PROM2: variants seen among roughly 807,000 people sequenced by gnomAD.
The protein encoded by PROM2 is prominin 2, also known as prominin-2.
A neutral mutation model predicts 110.2 loss-of-function variants in PROM2; 90 were observed. The observed-to-expected ratio is 0.82, with a 90% confidence interval of 0.69 to 0.97. The LOEUF is 0.97. Among genes scored for constraint, PROM2 ranks in the 50% least tolerant of loss-of-function variants. The probability of loss-of-function intolerance (pLI) is 0.00; values close to 1 mark genes in which losing one functional copy is unlikely to be tolerated. For synonymous variants in PROM2, 470 were observed against 467.8 expected (o/e 1.00, Z -0.06); for missense variants, 1,009 against 1,074.8 (o/e 0.94, Z 0.86).
At chr2:95,277,895 T>A in intron 7 of PROM2, 35 bp from the exon 8 acceptor site, 1 of 1,590,814 alleles carries the variant, frequency 6.3e-7, no homozygotes, top group Non-Finnish European at 8.6e-7. Context: ...GGCCTCTCCA[T>A]GAACTTTGTC....
chr2:95,288,892 G>A (rs779755426), intron 22 of PROM2, 41 bp from the exon 23 acceptor site: 3 of 1,588,012 alleles, frequency 1.9e-6, no homozygotes, highest in Non-Finnish European at 2.6e-6. Context: ...CTGAGGGTCT[G>A]GGGGGAAGGG....
chr2:95,278,662 C>T (rs551647851), intron 8 of PROM2, 59 bp from the exon 9 acceptor site: 3 of 1,603,514 alleles, frequency 1.9e-6, no homozygotes, highest in East Asian at 4.5e-5. Flanking sequence ...ACTTTGGGGT[C>T]TCCCAAGAGG....
intron 11 of PROM2, among the ~76,000 whole-genome samples, chr2:95,280,432 C>G (rs561061024): frequency 6.6e-6 from 1 of 152,344 alleles, no homozygotes; most frequent in South Asian, 2.1e-4. Context: ...GCCTCACAGC[C>G]TGACATGGGG....
chr2:95,277,464 G>T lies in PROM2; in HGVS notation c.873G>T (p.Arg291=). ...QDLEPAIREH[R]DRLLELLQEA... ...TGGAGCCAGCCATCCGGGAACACCG[G>T]GACCGCCTCCTTGAGCTGCTGCAGG... The change falls in exon 7 of 24, where the codon CGG becomes CGT. Residue 291 remains arginine, a synonymous_variant. Coordinates refer to ENST00000317620, the MANE Select transcript of PROM2 (RefSeq NM_001165978.3). The T allele has an allele frequency of 1.9e-6, 3 of 1,613,072 alleles. No individual in the cohort carries two copies. Among genetic ancestry groups the T allele is most frequent in the Non-Finnish European group, 2.5e-6 (3 of 1,179,880 alleles).
Position 95,282,003 on chromosome 2 carries a change from C to T in PROM2, c.1630C>T (p.His544Tyr), listed in dbSNP as rs1399581411. ...LLGLRKNISI[H>Y]QAYQQCKEGA... is the part of the protein sequence containing the mutation. ...TGGCCTGAGGAAGAACATCAGCATC[C>T]ACCAAGCCTATCAGTGAGTGGACAG... The change falls in exon 13 of 24, where the codon CAC (histidine) becomes TAC (tyrosine). Residue 544 changes from histidine to tyrosine, a missense_variant. His to Tyr is a moderately conservative substitution (Grantham distance 83, BLOSUM62 2). Coordinates refer to ENST00000317620, the MANE Select transcript of PROM2 (RefSeq NM_001165978.3). The T allele has an allele frequency of 1.2e-6, 2 of 1,614,080 alleles. No individual in the cohort carries two copies. The highest frequency in any genetic ancestry group is 2.2e-5 in the East Asian group (1 of 44,864).
chr2:95,287,400 G>A lies in PROM2; in HGVS notation c.2180G>A (p.Ser727Asn), dbSNP rs777528108. 6 of 1,614,018 alleles carry A rather than the reference G, an allele frequency of 3.7e-6. No homozygotes were observed. In the Admixed American group the frequency reaches 5.0e-5, roughly 13 times the overall value. The change falls in exon 20 of 24, where the codon AGT becomes AAT. Residue 727 changes from serine (S) to asparagine (N), a missense_variant. Transcript: ENST00000317620. ...AWAARILRNV[S>N]ECFLAREMGY... ...GACCTCCTTTCCTTCCTGCAGGTGA[G>A]TGAGTGTTTCCTGGCCCGGGAGATG...
chr2:95,283,481 C>T (rs147898703), intron 14 of PROM2, among the ~76,000 whole-genome samples: 116 of 152,352 alleles, frequency 7.6e-4, no homozygotes, highest in Admixed American at 1.4e-3. Context: ...GGGCACCAGC[C>T]ACCTTTCCAC....
intron 14 of PROM2, among the ~76,000 whole-genome samples, chr2:95,284,301 C>T (rs1242628667): frequency 6.6e-6 from 1 of 152,148 alleles, no homozygotes; most frequent in Non-Finnish European, 1.5e-5. Flanking sequence ...TCAAGAACAG[C>T]CTGGGCAACA....
chr2:95,280,747 C>T lies in PROM2; in HGVS notation c.1428-495C>T, dbSNP rs568922933. Among the ~76,000 whole-genome samples the T allele has an allele frequency of 1.8e-4, 27 of 152,284 alleles. No individual in the cohort carries two copies. In the East Asian group the frequency reaches 4.6e-3, roughly 26 times the overall value. The stretch of plus-strand genomic sequence containing the variant: ...ATAGCCTCACCCTCCCAGGCTCAAG[C>T]GATTCTCACACCTCAGCCTCCCAAA... On this transcript the variant is annotated intron_variant, in intron 11 of 23. Coordinates refer to ENST00000317620, the MANE Select transcript of PROM2 (RefSeq NM_001165978.3).
chr2:95,279,873 G>C lies in PROM2; in HGVS notation c.1303G>C (p.Val435Leu), dbSNP rs201963410. 4 of 1,531,956 alleles carry C rather than the reference G, an allele frequency of 2.6e-6. No homozygotes were observed. Among genetic ancestry groups the C allele is most frequent in the Non-Finnish European group, 3.5e-6 (4 of 1,136,414 alleles). 94.9% of individuals were successfully genotyped at this position (1,531,956 alleles called of 1,614,324 possible). A position where few individuals can be genotyped will look rare whatever the true frequency, so the allele number is the denominator to read the frequency against. Residue 435 changes from valine to leucine, a missense_variant, in exon 11 of 24, where the codon GTG becomes CTG. Coordinates refer to ENST00000317620, the MANE Select transcript of PROM2 (RefSeq NM_001165978.3). The stretch of plus-strand genomic sequence containing the variant: ...GATCGTGGGCTGCGTGCTGTGCTCC[G>C]TGGTCCTATTCGTGGTGCTCTGCAA... The part of the protein sequence containing the change: ...RWIVGCVLCS[V>L]VLFVVLCNLL...
Position 95,274,543 on chromosome 2 carries a change from G to C in PROM2, c.-43G>C. ...AGGATGTATGGCCTGCCCTGGGCTT[G>C]TCTGTTCCCTCCTGAGCCTGAGCCC... On this transcript the variant is annotated 5_prime_UTR_variant, in exon 1 of 24. Coordinates refer to ENST00000317620, the MANE Select transcript of PROM2 (RefSeq NM_001165978.3). 6.6e-7 allele frequency: 1 copy of C among 1,524,900 alleles called. No homozygotes were observed. Among genetic ancestry groups the C allele is most frequent in the Non-Finnish European group, 8.8e-7 (1 of 1,134,336 alleles). 94.5% of individuals were successfully genotyped at this position (1,524,900 alleles called of 1,614,324 possible). A position where few individuals can be genotyped will look rare whatever the true frequency, so the allele number is the denominator to read the frequency against.
chr2:95,284,778 G>A (rs1344908999), intron 14 of PROM2, among the ~76,000 whole-genome samples, 191 bp from the exon 15 acceptor site: 4 of 152,158 alleles, frequency 2.6e-5, no homozygotes, highest in South Asian at 2.1e-4. Flanking sequence ...TGAGGGATCC[G>A]CCCCCGTGAT....
rs542815982 is a variant in PROM2, at chr2:95,291,209, G to GA, written c.*1996_*1997insA. The GA allele has an allele frequency of 4.7e-5, 7 of 148,504 alleles. No individual in the cohort carries two copies. The East Asian group carries it at 1.4e-3, about 29-fold the overall frequency. 9.2% of individuals were successfully genotyped at this position (148,504 alleles called of 1,614,324 possible). A position where few individuals can be genotyped will look rare whatever the true frequency, so the allele number is the denominator to read the frequency against. On this transcript the variant is annotated 3_prime_UTR_variant, in exon 24 of 24. Coordinates refer to ENST00000317620, the MANE Select transcript of PROM2 (RefSeq NM_001165978.3). Reference sequence around the variant, plus strand: ...CTGCCTCTTTTTGCTTTTCCTAGAGGTTTTTTTTTTGCTTGTTACTCATCT... The same window carrying GA: ...CTGCCTCTTTTTGCTTTTCCTAGAGGATTTTTTTTTTGCTTGTTACTCATCT...
rs1306451218 is a variant in PROM2 at position 95,290,430 on chromosome 2, G to A, written c.*1217G>A. On this transcript the variant is annotated 3_prime_UTR_variant, in exon 24 of 24. Coordinates refer to ENST00000317620, the MANE Select transcript of PROM2 (RefSeq NM_001165978.3). ...AGTTCTAAGGTCACCTCTGGCTGCA[G>A]GCATCCAGGGATTATTCCAGCAATC... is the stretch of plus-strand genomic sequence containing the variant. 2.0e-5 allele frequency: 3 copies of A among 152,194 alleles called. No homozygotes were observed. The highest frequency in any genetic ancestry group is 4.4e-5 in the Non-Finnish European group (3 of 68,048). The allele number at this position is 152,194 out of a possible 1,614,324, so 9.4% of individuals were successfully genotyped here.
At chr2:95,284,917 G>T in intron 14 of PROM2, 52 bp from the exon 15 acceptor site, 1 of 1,568,820 alleles carries the variant, frequency 6.4e-7, no homozygotes, top group Non-Finnish European at 8.7e-7. Context: ...GCATCTCTGG[G>T]GTCCTGGCTC....
At position 95,276,484 on chromosome 2, in the gene PROM2, G is replaced by T; in HGVS notation, c.619-110G>T. The T allele has an allele frequency of 1.3e-6, 2 of 1,594,448 alleles. No individual in the cohort carries two copies. The highest frequency in any genetic ancestry group is 2.2e-5 in the South Asian group (2 of 90,066). ...CCTCTCCCGCCCTTGCCTGAGAGTC[G>T]ACCACCCTCAGGGTGGATGCCATAG... On this transcript the variant is annotated intron_variant, in intron 4 of 23. Transcript: ENST00000317620. This position sits in a 1 kb window ranked among gnomAD's most constrained non-coding sequence, Gnocchi z 4.6.
chr2:95,275,403 G>A lies in PROM2; in HGVS notation c.245-58G>A. 6.6e-7 allele frequency: 1 copy of A among 1,526,530 alleles called. No homozygotes were observed. The highest frequency in any genetic ancestry group is 8.9e-7 in the Non-Finnish European group (1 of 1,119,560). The allele number at this position is 1,526,530 out of a possible 1,614,324, so 94.6% of individuals were successfully genotyped here. On this transcript the variant is annotated intron_variant, in intron 1 of 23. Coordinates refer to ENST00000317620, the MANE Select transcript of PROM2 (RefSeq NM_001165978.3). This position sits in a 1 kb window ranked among gnomAD's most constrained non-coding sequence, Gnocchi z 4.4. ...TTTGCCCTGGCAGTGGGGAGAGGAG[G>A]GACACAGGGGCAGGGCAGTGGCTGT...
Position 95,279,136 on chromosome 2 carries a change from G to T in PROM2, c.1266G>T (p.Glu422Asp). 1 of 1,195,842 alleles carries T rather than the reference G, an allele frequency of 8.4e-7. No homozygotes were observed. Among genetic ancestry groups the T allele is most frequent in the South Asian group, 1.3e-5 (1 of 75,620 alleles). 74.1% of individuals were successfully genotyped at this position (1,195,842 alleles called of 1,614,324 possible). ...RPYLQEVQRY[E>D]TYRWIVGCVL... The stretch of plus-strand genomic sequence containing the variant: ...ACCTGCAGGAGGTGCAGAGATACGA[G>T]ACCTACAGGTGCTGGGCACCGCAGG... The change falls in exon 10 of 24, where the codon GAG (glutamate) becomes GAT (aspartate). Residue 422 changes from glutamate to aspartate, a missense_variant. Physicochemically the swap from Glu to Asp is conservative, Grantham distance 45. Transcript: ENST00000317620.
chr2:95,282,757 GAC>G (rs1677123260), intron 14 of PROM2, among the ~76,000 whole-genome samples: 1 of 152,190 alleles, frequency 6.6e-6, no homozygotes, highest in Non-Finnish European at 1.5e-5. Context: ...GCTGGAAAGA[GAC>G]AGTTCTAGAA....
Sources: gnomAD v4.1 joint callset for allele counts (sites outside exome capture counted in the v4.1 genomes callset) on GRCh38, gnomAD v4.1.1 for gene constraint, Gnocchi (gnomAD v3.1) non-coding constraint, MANE v1.5 for transcripts, NCBI Gene and HGNC (gene_info 2026-07-23, HGNC 2026-07-21) for gene names.